EIF4G3: variants seen among roughly 807,000 people sequenced by gnomAD.
EIF4G3 encodes eukaryotic translation initiation factor 4 gamma 3.
Under a neutral mutation model 186.4 loss-of-function variants are expected in EIF4G3, and 34 were observed. That is an observed-to-expected ratio of 0.18 (90% CI 0.14 to 0.24). The LOEUF is 0.24. Ranked by LOEUF, EIF4G3 falls within the 10% of genes least tolerant of loss-of-function variation. The pLI is 1.00. For missense variants in EIF4G3, 1,536 were observed against 1,948.5 expected (o/e 0.79, Z 3.99); for synonymous variants, 673 against 679.5 (o/e 0.99, Z 0.15).
At chr1:20,821,104 C>G (rs574017385) in intron 33 of EIF4G3, among the ~76,000 whole-genome samples, 2 of 152,160 alleles carry the variant, frequency 1.3e-5, no homozygotes, top group Admixed American at 6.5e-5. Context: ...CCAAAAAAAT[C>G]GACACTCCAG....
chr1:21,119,782 G>A (rs2096894979), intron 2 of EIF4G3, among the ~76,000 whole-genome samples: 1 of 152,006 alleles, frequency 6.6e-6, no homozygotes, highest in Non-Finnish European at 1.5e-5. Context: ...AAGGATGTAA[G>A]GTAGAAAGTA....
At chr1:21,119,050 A>C (rs2096881321) in intron 2 of EIF4G3, among the ~76,000 whole-genome samples, 1 of 151,956 alleles carries the variant, frequency 6.6e-6, no homozygotes, top group Admixed American at 6.6e-5. Flanking sequence ...CAACTCCATG[A>C]CTGAGATTTT....
intron 12 of EIF4G3, among the ~76,000 whole-genome samples, chr1:20,964,370 C>T (rs2074141441): frequency 6.6e-6 from 1 of 152,202 alleles, no homozygotes; most frequent in African/African-American, 2.4e-5. Context: ...CTGTGATCCT[C>T]TGTGCATATA....
intron 20 of EIF4G3, among the ~76,000 whole-genome samples, chr1:20,870,978 T>C (rs72652944): frequency 0.045 from 6,864 of 152,262 alleles, 216 homozygotes; most frequent in Non-Finnish European, 0.067. Flanking sequence ...TATGTATCTG[T>C]ATGTGTGTGT....
In EIF4G3 at chr1:20,879,381, G is replaced by A. The variant is rs746410638; in HGVS notation, c.2564C>T (p.Ala855Val). The A allele has an allele frequency of 1.2e-6, 2 of 1,606,140 alleles. No individual in the cohort carries two copies. The highest frequency in any genetic ancestry group is 2.7e-5 in the African/African-American group (2 of 74,720). The change falls in exon 20 of 37, where the codon GCT becomes GTT. Residue 855 changes from alanine (A) to valine (V), a missense_variant. Transcript: ENST00000602326. ...KGVIDLVFEK[A>V]IDEPSFSVAY... is the part of the protein sequence containing the mutation. Reference sequence around the variant, plus strand: ...CACAGAGAAACTGGGTTCATCAATAGCCTTCTCAAAGACCAGGTCAATAAC... The same window carrying A: ...CACAGAGAAACTGGGTTCATCAATAACCTTCTCAAAGACCAGGTCAATAAC...
chr1:20,987,989 C>T (rs1429370954), intron 7 of EIF4G3, among the ~76,000 whole-genome samples: 5 of 152,170 alleles, frequency 3.3e-5, no homozygotes, highest in Non-Finnish European at 5.9e-5. Flanking sequence ...AGCAAAACAG[C>T]CTTATTGCTG....
At chr1:20,828,056 CAG>C (rs2064105813) in intron 31 of EIF4G3, among the ~76,000 whole-genome samples, 2 of 120,214 alleles carry the variant, frequency 1.7e-5, no homozygotes, top group African/African-American at 3.3e-5. Flanking sequence ...TTTTTTGAGA[CAG>C]AGTCTCACTC....
intron 4 of EIF4G3, among the ~76,000 whole-genome samples, chr1:21,041,702 T>C (rs917802547): frequency 6.6e-6 from 1 of 152,194 alleles, no homozygotes; most frequent in East Asian, 1.9e-4. Context: ...GTTGGCAACA[T>C]GGTTTCTGCA....
intron 4 of EIF4G3, among the ~76,000 whole-genome samples, chr1:21,036,374 C>T (rs913709369): frequency 6.6e-6 from 1 of 152,126 alleles, no homozygotes; most frequent in Non-Finnish European, 1.5e-5. Flanking sequence ...TCTTCCTGGA[C>T]GCAGGACAAG....
chr1:20,870,536 C>T (rs1274781491), intron 20 of EIF4G3, among the ~76,000 whole-genome samples: 2 of 152,140 alleles, frequency 1.3e-5, no homozygotes, highest in East Asian at 1.9e-4. Context: ...GGGAATTCAG[C>T]AGTGAACAAA....
chr1:21,098,247 C>CAATCCTAG (rs2096425077), intron 2 of EIF4G3, among the ~76,000 whole-genome samples: 4 of 151,950 alleles, frequency 2.6e-5, no homozygotes, highest in African/African-American at 9.7e-5. Flanking sequence ...ATCTAGGATA[C>CAATCCTAG]ATGAAGAAAC....
In EIF4G3 at chr1:21,072,314, C is replaced by T. The variant is rs181158518; in HGVS notation, c.-196+16824G>A. Among the ~76,000 whole-genome samples the T allele has an allele frequency of 1.7e-3, 257 of 152,282 alleles. 1 individual carries two copies. The highest frequency in any genetic ancestry group is 5.8e-3 in the African/African-American group (239 of 41,556). On this transcript the variant is annotated intron_variant, in intron 3 of 36. Transcript: ENST00000602326. ...TTTGGGAGGCCAAGGTACAAGGATT[C>T]CTTGAGCCCAGGAGTTTGACGCCAG...
chr1:21,059,302 T>C (rs10916927), intron 3 of EIF4G3, among the ~76,000 whole-genome samples: 50,862 of 151,948 alleles, frequency 0.33, 9,232 homozygotes, highest in Non-Finnish European at 0.41. Flanking sequence ...GTAATTTCTA[T>C]ACTTTATGCT....
At chr1:21,063,852 G>A (rs1411085925) in intron 3 of EIF4G3, among the ~76,000 whole-genome samples, 3 of 151,516 alleles carry the variant, frequency 2.0e-5, no homozygotes, top group African/African-American at 7.3e-5. Context: ...TGGGATTACA[G>A]GCGCATGCCA....
intron 2 of EIF4G3, among the ~76,000 whole-genome samples, chr1:21,161,016 C>A (rs1400796820): frequency 1.3e-5 from 2 of 151,954 alleles, no homozygotes; most frequent in Admixed American, 6.6e-5. Flanking sequence ...AATAAAAATA[C>A]AAAAATTAGC....
intron 3 of EIF4G3, among the ~76,000 whole-genome samples, chr1:21,076,282 A>T (rs1372516691): frequency 2.0e-5 from 3 of 152,204 alleles, no homozygotes; most frequent in Non-Finnish European, 2.9e-5. Flanking sequence ...AGAAAATTTT[A>T]AAATTTCCTG....
chr1:20,868,090 C>CTTTTTCTT (rs1553236852), intron 20 of EIF4G3, among the ~76,000 whole-genome samples: 2 of 90,416 alleles, frequency 2.2e-5, no homozygotes, highest in East Asian at 4.0e-4. Flanking sequence ...TGGTGATTTT[C>CTTTTTCTT]TTTTTTTTTT....
intron 14 of EIF4G3, among the ~76,000 whole-genome samples, chr1:20,908,570 G>A (rs560738068): frequency 5.9e-5 from 9 of 152,022 alleles, no homozygotes; most frequent in Non-Finnish European, 8.8e-5. Flanking sequence ...CAAAAAGAGC[G>A]CACCTTACAG....
intron 2 of EIF4G3, among the ~76,000 whole-genome samples, chr1:21,170,986 TA>T (rs2097954411): frequency 5.7e-5 from 1 of 17,592 alleles, no homozygotes; most frequent in South Asian, 7.9e-3. Context: ...TCTAAAAAAA[TA>T]AATTAAAAAA....
Sources: gnomAD v4.1 joint callset for allele counts (sites outside exome capture counted in the v4.1 genomes callset) on GRCh38, gnomAD v4.1.1 for gene constraint, MANE v1.5 for transcripts, NCBI Gene and HGNC (gene_info 2026-07-23, HGNC 2026-07-21) for gene names.